Variants in ESR1 observed in about 807,000 individuals in gnomAD.
The protein encoded by ESR1 is estrogen receptor 1, also known as estrogen receptor.
Under a neutral mutation model 52.7 loss-of-function variants are expected in ESR1, and 12 were observed. That is an observed-to-expected ratio of 0.23 (90% CI 0.15 to 0.37). ESR1 has a LOEUF of 0.37. ESR1 is among the 10% of genes least tolerant of loss of function. The pLI is 1.00. For synonymous variants in ESR1, 305 were observed against 316.8 expected, an observed-to-expected ratio of 0.96 and a Z score of 0.39; for missense variants, 584 against 779.7, an observed-to-expected ratio of 0.75 and a Z score of 2.99.
upstream of ESR1, among the ~76,000 whole-genome samples, chr6:151,803,947 C>T (rs574073968): frequency 3.3e-5 from 5 of 152,074 alleles, no homozygotes; most frequent in African/African-American, 9.6e-5. Context: ...CCCAGCAGAC[C>T]GCTGGAAAAG....
intron 5 of ESR1, among the ~76,000 whole-genome samples, chr6:152,020,523 T>C (rs749547330): frequency 6.6e-6 from 1 of 151,886 alleles, no homozygotes; most frequent in Non-Finnish European, 1.5e-5. Flanking sequence ...TGATCTCGGC[T>C]CACTTCAATT....
intron 4 of ESR1, among the ~76,000 whole-genome samples, chr6:151,951,592 C>G (rs576279584): frequency 6.6e-6 from 1 of 152,122 alleles, no homozygotes; most frequent in South Asian, 2.1e-4. Flanking sequence ...CAAATAAGAC[C>G]AGTACTGATA....
chr6:151,961,556 G>A (rs1382108460), intron 4 of ESR1, among the ~76,000 whole-genome samples: 1 of 152,156 alleles, frequency 6.6e-6, no homozygotes, highest in Non-Finnish European at 1.5e-5. Context: ...TAGATAGGAA[G>A]GTGGAACCCT....
At chr6:151,997,093 A>G (rs1266640371) in intron 4 of ESR1, among the ~76,000 whole-genome samples, 3 of 151,594 alleles carry the variant, frequency 2.0e-5, no homozygotes, top group African/African-American at 7.3e-5. Context: ...AAAAAAAAAC[A>G]AAGCAACACA....
At chr6:151,675,664 T>C (rs942490052) in intron 1 of ESR1, among the ~76,000 whole-genome samples, 2 of 152,210 alleles carry the variant, frequency 1.3e-5, no homozygotes, top group Admixed American at 1.3e-4. Flanking sequence ...TTCAGAATGA[T>C]CACAATGCTA....
chr6:151,673,535 A>G (rs1778150240), intron 1 of ESR1, among the ~76,000 whole-genome samples: 1 of 152,096 alleles, frequency 6.6e-6, no homozygotes, highest in African/African-American at 2.4e-5. Context: ...TTTGGGTTTT[A>G]TCTTTCTAAG....
chr6:151,821,980 G>A (rs977195746), intron 1 of ESR1, among the ~76,000 whole-genome samples: 1 of 152,122 alleles, frequency 6.6e-6, no homozygotes, highest in African/African-American at 2.4e-5. Context: ...AGGCATGGCT[G>A]GTGGGTTGTA....
At chr6:152,068,815 T>C (rs2048169678) in intron 6 of ESR1, among the ~76,000 whole-genome samples, 1 of 152,204 alleles carries the variant, frequency 6.6e-6, no homozygotes, top group African/African-American at 2.4e-5. Context: ...TTCTGCAAAC[T>C]GCAGGGGAGC....
intron 2 of ESR1, among the ~76,000 whole-genome samples, chr6:151,869,622 G>A (rs2128306895): frequency 6.6e-6 from 1 of 152,274 alleles, no homozygotes; most frequent in South Asian, 2.1e-4. Flanking sequence ...AAGGGATCAT[G>A]TCACTGCCCT....
At chr6:151,828,843 T>G (rs188020886) in intron 1 of ESR1, among the ~76,000 whole-genome samples, 1 of 152,350 alleles carries the variant, frequency 6.6e-6, no homozygotes, top group East Asian at 1.9e-4. Context: ...CAAACTGCAC[T>G]GCAGAAGGCT....
intron 3 of ESR1, among the ~76,000 whole-genome samples, chr6:151,890,525 T>C (rs892928347): frequency 6.6e-6 from 1 of 152,222 alleles, no homozygotes; most frequent in African/African-American, 2.4e-5. Flanking sequence ...TAGTTTAAGT[T>C]TGAACTTTCA....
intron 2 of ESR1, among the ~76,000 whole-genome samples, chr6:151,850,046 T>TTA (rs1454918906): frequency 6.6e-4 from 38 of 57,454 alleles, no homozygotes; most frequent in African/African-American, 2.4e-3. Flanking sequence ...ATATATAATT[T>TTA]TATATATATA....
intron 1 of ESR1, among the ~76,000 whole-genome samples, chr6:151,701,529 C>CAAAAAAAAAAA (rs57589542): frequency 1.1e-5 from 1 of 89,426 alleles, no homozygotes; most frequent in Non-Finnish European, 2.1e-5. Context: ...CACTACATCT[C>CAAAAAAAAAAA]AAAAAAAAAA....
intron 2 of ESR1, among the ~76,000 whole-genome samples, chr6:151,720,326 T>C (rs1270292874): frequency 6.6e-6 from 1 of 152,194 alleles, no homozygotes; most frequent in East Asian, 1.9e-4. Context: ...ATCATATGCA[T>C]AGCTGGTAAG....
intron 2 of ESR1, among the ~76,000 whole-genome samples, chr6:151,772,240 C>G (rs568225962): frequency 6.6e-6 from 1 of 152,286 alleles, no homozygotes; most frequent in East Asian, 1.9e-4. Context: ...CTGTAGGGGT[C>G]TCAGTTGTCC....
chr6:151,945,218 G>A (rs1277513417), intron 4 of ESR1, among the ~76,000 whole-genome samples: 6 of 152,150 alleles, frequency 3.9e-5, no homozygotes, highest in South Asian at 2.1e-4. Context: ...GAGCAAGACC[G>A]TGTCATAAAA....
exon 7 of ESR1, chr6:152,127,130 C>T (rs998199126): frequency 6.6e-6 from 1 of 152,122 alleles, no homozygotes; most frequent in Non-Finnish European, 1.5e-5. Context: ...TCTTGCTAAT[C>T]CTAAACTACC....
intron 2 of ESR1, among the ~76,000 whole-genome samples, chr6:151,795,899 A>G (rs536373936): frequency 1.8e-4 from 28 of 152,224 alleles, no homozygotes; most frequent in Admixed American, 5.9e-4. Context: ...CCTGTAATCC[A>G]GCACTTTGGG....
intron 2 of ESR1, among the ~76,000 whole-genome samples, chr6:151,798,298 G>A (rs1776902759): frequency 6.6e-6 from 1 of 152,140 alleles, no homozygotes. Flanking sequence ...CCTCAGTGAA[G>A]AGATGAACTC....
Sources: allele counts gnomAD v4.1 joint callset (sites outside exome capture counted in the v4.1 genomes callset), GRCh38; gene constraint gnomAD v4.1.1; transcripts MANE v1.5; gene names NCBI Gene and HGNC (gene_info 2026-07-23, HGNC 2026-07-21).